SRPK2: variants seen among roughly 807,000 people sequenced by gnomAD.
SRPK2 encodes the protein SFRS protein kinase 2.
A neutral mutation model predicts 90.8 loss-of-function variants in SRPK2; 21 were observed. That is an observed-to-expected ratio of 0.23 (90% CI 0.16 to 0.33). The LOEUF (loss-of-function observed/expected upper bound fraction) is 0.33. SRPK2 is among the 10% of genes least tolerant of loss of function. SRPK2 has a pLI of 1.00. For missense variants in SRPK2, 620 were observed against 869.0 expected (o/e 0.71, Z 3.60); for synonymous variants, 288 against 311.1 (o/e 0.93, Z 0.78).
At chr7:105,278,536 A>T (rs1806825310) in intron 2 of SRPK2, among the ~76,000 whole-genome samples, 1 of 150,384 alleles carries the variant, frequency 6.6e-6, no homozygotes, top group Non-Finnish European at 1.5e-5. Context: ...AAAAAAAAAA[A>T]ATAGCCGGGA....
At chr7:105,275,805 G>A (rs1806407907) in intron 2 of SRPK2, among the ~76,000 whole-genome samples, 1 of 152,128 alleles carries the variant, frequency 6.6e-6, no homozygotes, top group African/African-American at 2.4e-5. Context: ...CTAGGAGTGA[G>A]GGGAACATAA....
At chr7:105,345,252 T>C (rs1035721580) in intron 2 of SRPK2, among the ~76,000 whole-genome samples, 20 of 151,470 alleles carry the variant, frequency 1.3e-4, no homozygotes, top group Non-Finnish European at 2.8e-4. Context: ...TTTAAAACAC[T>C]GAAGGAAGGA....
intron 2 of SRPK2, among the ~76,000 whole-genome samples, chr7:105,230,202 G>A (rs1799252484): frequency 1.3e-5 from 2 of 152,198 alleles, no homozygotes; most frequent in Admixed American, 6.5e-5. Flanking sequence ...AGGTACAAAT[G>A]AGAATGATAC....
chr7:105,385,832 G>C (rs1161006059), intron 2 of SRPK2, among the ~76,000 whole-genome samples: 1 of 152,182 alleles, frequency 6.6e-6, no homozygotes, highest in Non-Finnish European at 1.5e-5. Flanking sequence ...GTTGTCACAA[G>C]GTATATGTAA....
intron 2 of SRPK2, among the ~76,000 whole-genome samples, chr7:105,366,387 T>C (rs1417030970): frequency 6.6e-6 from 1 of 151,494 alleles, no homozygotes; most frequent in Non-Finnish European, 1.5e-5. Flanking sequence ...TTTTTCTTTT[T>C]GAGACGGAGT....
intron 2 of SRPK2, among the ~76,000 whole-genome samples, chr7:105,249,279 A>T (rs1802161500): frequency 1.3e-5 from 2 of 152,212 alleles, no homozygotes; most frequent in South Asian, 4.1e-4. Context: ...GACATTCTTA[A>T]GTCATACACT....
intron 2 of SRPK2, among the ~76,000 whole-genome samples, chr7:105,357,457 C>T (rs1563281103): frequency 2.0e-5 from 3 of 152,130 alleles, no homozygotes; most frequent in Non-Finnish European, 4.4e-5. Context: ...AGATGACCTG[C>T]TATAAACAAT....
At chr7:105,169,286 G>GA (rs768658112) in intron 3 of SRPK2, 21 bp from the exon 4 acceptor site, 2 of 1,578,774 alleles carry the variant, frequency 1.3e-6, no homozygotes, top group Non-Finnish European at 1.7e-6. Context: ...AAGAAAGAAA[G>GA]AAAAAAATTC....
At chr7:105,126,409 G>T in intron 14 of SRPK2, 69 bp from the exon 15 acceptor site, 1 of 1,169,910 alleles carries the variant, frequency 8.5e-7, no homozygotes, top group Non-Finnish European at 1.3e-6. Context: ...AAAAGAAGAG[G>T]GAAAAATTGA....
intron 2 of SRPK2, among the ~76,000 whole-genome samples, chr7:105,383,617 A>T (rs1378973214): frequency 1.3e-5 from 2 of 148,610 alleles, no homozygotes; most frequent in African/African-American, 2.5e-5. Context: ...ACGGGGTTTC[A>T]CCCTATTGGC....
chr7:105,115,441 G>A (rs1224080771), downstream of SRPK2: 2 of 152,192 alleles, frequency 1.3e-5, no homozygotes, highest in Non-Finnish European at 2.9e-5. Flanking sequence ...GCCAGCTCCT[G>A]TATCTGCTAT....
At chr7:105,327,299 G>A (rs1000200000) in intron 2 of SRPK2, among the ~76,000 whole-genome samples, 6 of 152,288 alleles carry the variant, frequency 3.9e-5, no homozygotes, top group East Asian at 1.9e-4. Flanking sequence ...GTCCATAAAC[G>A]AAGTTTGATT....
chr7:105,294,778 G>T (rs1021770320), intron 2 of SRPK2, among the ~76,000 whole-genome samples: 2 of 151,940 alleles, frequency 1.3e-5, no homozygotes, highest in African/African-American at 4.8e-5. Flanking sequence ...TGCCCACCTT[G>T]GCCTCCCAAA....
At chr7:105,192,494 G>C (rs1215393597) in intron 3 of SRPK2, among the ~76,000 whole-genome samples, 1 of 152,212 alleles carries the variant, frequency 6.6e-6, no homozygotes, top group Non-Finnish European at 1.5e-5. Context: ...TGTGAATTGT[G>C]CTGCTATAAA....
chr7:105,351,606 C>T (rs1386329652), intron 2 of SRPK2, among the ~76,000 whole-genome samples: 1 of 151,918 alleles, frequency 6.6e-6, no homozygotes, highest in African/African-American at 2.4e-5. Context: ...AGTTTAAGAC[C>T]AGCCTTGCCA....
intron 7 of SRPK2, among the ~76,000 whole-genome samples, chr7:105,153,812 C>T (rs911712884): frequency 6.6e-6 from 1 of 152,030 alleles, no homozygotes; most frequent in Non-Finnish European, 1.5e-5. Context: ...AGGAAGGAGG[C>T]GACCCCAAGC....
intron 7 of SRPK2, among the ~76,000 whole-genome samples, chr7:105,159,532 C>G (rs1428868608): frequency 1.4e-5 from 2 of 145,794 alleles, no homozygotes; most frequent in Non-Finnish European, 3.0e-5. Context: ...TATCTGCACA[C>G]AAATTCAACA....
intron 13 of SRPK2, among the ~76,000 whole-genome samples, chr7:105,130,041 T>C (rs1415308525): frequency 6.6e-6 from 1 of 152,244 alleles, no homozygotes; most frequent in Middle Eastern, 3.4e-3. Flanking sequence ...TCAGATTATA[T>C]GTACTTACAC....
rs192595705 is a variant in SRPK2 at position 105,276,250 on chromosome 7, T to C, written c.72-72465A>G. Among the ~76,000 whole-genome samples the C allele has an allele frequency of 1.3e-3, 190 of 151,918 alleles. 1 individual carries two copies. Among genetic ancestry groups the C allele is most frequent in the Non-Finnish European group, 2.1e-3 (145 of 67,920 alleles). ...TGCACACCACTATGCTTGGCTAATT[T>C]TTTTTTTTGGTAGAGACAGGGTCTC... is the stretch of plus-strand genomic sequence containing the variant. On this transcript the variant is annotated intron_variant, in intron 2 of 15. Transcript: ENST00000393651.
Sources: gnomAD v4.1 joint callset for allele counts (sites outside exome capture counted in the v4.1 genomes callset) on GRCh38, gnomAD v4.1.1 for gene constraint, MANE v1.5 for transcripts, NCBI Gene and HGNC (gene_info 2026-07-23, HGNC 2026-07-21) for gene names.